The following SNX9 variants were observed in gnomAD, a reference collection of about 807,000 sequenced individuals.
The protein encoded by SNX9 is sorting nexin-9.
In SNX9, 44 loss-of-function variants were observed where a neutral mutation model predicts 89.4. The ratio of observed to expected loss-of-function variants is 0.49; its 90% CI spans 0.39 to 0.63. SNX9 has a LOEUF of 0.63. Ranked by LOEUF, SNX9 falls within the 30% of genes least tolerant of loss-of-function variation. SNX9 has a pLI of 0.00. For synonymous variants in SNX9, 236 were observed against 247.8 expected (o/e 0.95, Z 0.45); for missense variants, 578 against 736.1 (o/e 0.79, Z 2.49).
At chr6:157,923,863 T>C (rs1186021569) in intron 10 of SNX9, among the ~76,000 whole-genome samples, 1 of 152,194 alleles carries the variant, frequency 6.6e-6, no homozygotes, top group East Asian at 1.9e-4. Flanking sequence ...GATGGCAAAA[T>C]GCAGGGAAAT....
intron 15 of SNX9, 45 bp from the exon 16 acceptor site, chr6:157,938,586 CTA>C (rs747544094): frequency 3.3e-5 from 41 of 1,246,342 alleles, no homozygotes; most frequent in Non-Finnish European, 4.6e-5. Flanking sequence ...AAACTAATGA[CTA>C]ATCATTTCAG....
chr6:157,911,168 G>A (rs1048348486), intron 9 of SNX9, among the ~76,000 whole-genome samples: 1 of 152,074 alleles, frequency 6.6e-6, no homozygotes, highest in African/African-American at 2.4e-5. Flanking sequence ...AGACTTAAAG[G>A]TTAGACAGAG....
At chr6:157,909,041 A>G (rs1441688619) in intron 7 of SNX9, among the ~76,000 whole-genome samples, 1 of 152,140 alleles carries the variant, frequency 6.6e-6, no homozygotes, top group Non-Finnish European at 1.5e-5. Context: ...TTTAAGATGT[A>G]GTACCTCCCC....
At chr6:157,914,875 G>A (rs1336694847) in intron 9 of SNX9, among the ~76,000 whole-genome samples, 3 of 152,156 alleles carry the variant, frequency 2.0e-5, no homozygotes, top group African/African-American at 2.4e-5. Context: ...TGCTTGAGGT[G>A]TCATGGCTAA....
At chr6:157,888,488 C>T (rs1782783939) in intron 4 of SNX9, among the ~76,000 whole-genome samples, 1 of 152,098 alleles carries the variant, frequency 6.6e-6, no homozygotes, top group African/African-American at 2.4e-5. Context: ...AGAATTTGGT[C>T]CTGCCATGAA....
Position 157,940,929 on chromosome 6 carries a change from T to G in SNX9, c.1695T>G (p.Ser565Arg). The part of the protein sequence containing the change: ...FHSNRIYDYN[S>R]VIRLYLEQQV... ...GTAACCGGATCTATGATTACAACAG[T>G]GTCATCCGCCTGTACCTGGAGCAGC... Residue 565 changes from serine to arginine, a missense_variant, in exon 17 of 18, where the codon AGT becomes AGG. Around this residue, in one of 2 missense-constraint regions of SNX9, gnomAD observed 348 missense variants for 491.4 expected, o/e 0.71. Transcript: ENST00000392185. The G allele has an allele frequency of 5.0e-6, 8 of 1,614,226 alleles. No homozygotes were observed. Among genetic ancestry groups the G allele is most frequent in the Non-Finnish European group, 6.8e-6 (8 of 1,180,030 alleles).
chr6:157,857,685 C>A (rs7760188), intron 1 of SNX9, among the ~76,000 whole-genome samples: 2 of 148,824 alleles, frequency 1.3e-5, no homozygotes, highest in African/African-American at 5.0e-5. Flanking sequence ...GATTGGGGGC[C>A]ATTCTTGTTT....
chr6:157,902,760 C>T (rs931657737), intron 6 of SNX9, among the ~76,000 whole-genome samples: 9 of 152,148 alleles, frequency 5.9e-5, no homozygotes, highest in African/African-American at 1.9e-4. Context: ...CCCAACGTCC[C>T]GGGTTCAAGC....
At chr6:157,904,951 A>G (rs1783180227) in intron 6 of SNX9, among the ~76,000 whole-genome samples, 1 of 152,226 alleles carries the variant, frequency 6.6e-6, no homozygotes, top group South Asian at 2.1e-4. Flanking sequence ...AGTACTTCCA[A>G]AGAGAGGATG....
chr6:157,889,613 A>T (rs143017646), intron 4 of SNX9, among the ~76,000 whole-genome samples: 15 of 152,290 alleles, frequency 9.8e-5, no homozygotes, highest in Admixed American at 7.2e-4. Context: ...CAGTAAAAAT[A>T]TTTCTGTCTT....
intron 5 of SNX9, among the ~76,000 whole-genome samples, chr6:157,899,570 A>C (rs1057495538): frequency 6.5e-4 from 99 of 152,160 alleles, no homozygotes; most frequent in African/African-American, 2.3e-3. Flanking sequence ...CAGGAGATCA[A>C]GGCCATCCTG....
At chr6:157,846,262 C>G (rs1299152834) in intron 1 of SNX9, among the ~76,000 whole-genome samples, 1 of 152,206 alleles carries the variant, frequency 6.6e-6, no homozygotes, top group Non-Finnish European at 1.5e-5. Flanking sequence ...ATTTTTCCAA[C>G]TTAACTCTCT....
At chr6:157,923,244 C>G (rs973845444) in intron 10 of SNX9, among the ~76,000 whole-genome samples, 1 of 152,072 alleles carries the variant, frequency 6.6e-6, no homozygotes, top group Non-Finnish European at 1.5e-5. Context: ...TCCTCACTTG[C>G]TAAATGACAC....
intron 1 of SNX9, among the ~76,000 whole-genome samples, chr6:157,854,092 A>G (rs1781964718): frequency 6.6e-6 from 1 of 152,204 alleles, no homozygotes; most frequent in Non-Finnish European, 1.5e-5. Flanking sequence ...CACACTGGTG[A>G]GGGTGTGGGA....
chr6:157,924,971 TC>T (rs1783660147), intron 10 of SNX9, among the ~76,000 whole-genome samples: 1 of 152,140 alleles, frequency 6.6e-6, no homozygotes, highest in Non-Finnish European at 1.5e-5. Context: ...ACGTGGAACA[TC>T]CTCCTATCCT....
Position 157,853,608 on chromosome 6 carries a change from G to C in SNX9, c.13-13939G>C, listed in dbSNP as rs559156752. On this transcript the variant is annotated intron_variant, in intron 1 of 17. Transcript: ENST00000392185. The stretch of plus-strand genomic sequence containing the variant: ...TTGTTGTTTCATAGGTGACTAACTG[G>C]GTAGGGGAATGTCTGGTTCCCTTAC... 2.0e-5 allele frequency among the ~76,000 whole-genome samples: 3 copies of C among 152,240 alleles called. No homozygotes were observed. The South Asian group carries it at 6.2e-4, about 32-fold the overall frequency.
intron 1 of SNX9, among the ~76,000 whole-genome samples, chr6:157,834,736 C>T (rs1781551407): frequency 6.6e-6 from 1 of 152,150 alleles, no homozygotes; most frequent in Non-Finnish European, 1.5e-5. Flanking sequence ...CATGGCTGCA[C>T]ACTTAGTTTT....
chr6:157,939,634 A>G (rs1384343373), intron 16 of SNX9, among the ~76,000 whole-genome samples: 1 of 152,194 alleles, frequency 6.6e-6, no homozygotes, highest in Admixed American at 6.5e-5. Context: ...TGGGGCATTC[A>G]TGGGAGAAAG....
intron 17 of SNX9, among the ~76,000 whole-genome samples, chr6:157,941,642 C>G (rs1052623647): frequency 5.3e-5 from 8 of 152,292 alleles, no homozygotes; most frequent in Middle Eastern, 3.4e-3. Flanking sequence ...ACCCAGCTCC[C>G]CTCTGGCCAT....
Sources: allele counts gnomAD v4.1 joint callset (sites outside exome capture counted in the v4.1 genomes callset), GRCh38; gene constraint gnomAD v4.1.1; regional missense constraint gnomAD v4.1.1; transcripts MANE v1.5; gene names NCBI Gene and HGNC (gene_info 2026-07-23, HGNC 2026-07-21).